The following WASL variants were observed in gnomAD, a reference collection of about 807,000 sequenced individuals.
WASL encodes the protein actin nucleation-promoting factor WASL.
Under a neutral mutation model 55.5 loss-of-function variants are expected in WASL, and 20 were observed. The observed-to-expected ratio is 0.36, with a 90% CI of 0.25 to 0.52. The LOEUF is 0.52. Ranked by LOEUF, WASL falls within the 20% of genes least tolerant of loss-of-function variation. WASL has a pLI of 0.92. For synonymous variants in WASL, 249 were observed against 217.6 expected, an observed-to-expected ratio of 1.14 and a Z score of -1.27; for missense variants, 504 against 622.5, an observed-to-expected ratio of 0.81 and a Z score of 2.03.
At chr7:123,716,243 C>T (rs1000759829) in intron 1 of WASL, among the ~76,000 whole-genome samples, 8 of 152,054 alleles carry the variant, frequency 5.3e-5, no homozygotes, top group African/African-American at 1.7e-4. Context: ...GATGGAGGCT[C>T]GCTCTCTCAC....
intron 1 of WASL, among the ~76,000 whole-genome samples, chr7:123,728,877 A>C (rs1321448871): frequency 6.6e-6 from 1 of 152,094 alleles, no homozygotes; most frequent in Non-Finnish European, 1.5e-5. Context: ...ACAAAACAAA[A>C]CAAACGAACG....
chr7:123,694,168 C>CTGCATTTTACTGCAATAATTAT (rs1803456824), intron 8 of WASL, among the ~76,000 whole-genome samples: 1 of 152,130 alleles, frequency 6.6e-6, no homozygotes. Flanking sequence ...AGTATTTTAT[C>CTGCATTTTACTGCAATAATTAT]TGCATTTTAC....
At chr7:123,690,030 T>C (rs1803373603) in intron 9 of WASL, among the ~76,000 whole-genome samples, 1 of 152,172 alleles carries the variant, frequency 6.6e-6, no homozygotes, top group Admixed American at 6.5e-5. Flanking sequence ...ATTCATTCCT[T>C]AGTATTTTGG....
intron 9 of WASL, among the ~76,000 whole-genome samples, chr7:123,691,012 T>G (rs545436275): frequency 3.3e-5 from 5 of 152,256 alleles, no homozygotes; most frequent in African/African-American, 1.2e-4. Context: ...GTTCATAGGT[T>G]TAAGTGTCAT....
At chr7:123,709,340 C>A (rs1399935091) in intron 1 of WASL, 117 bp from the exon 2 acceptor site, 5 of 740,398 alleles carry the variant, frequency 6.8e-6, no homozygotes, top group Non-Finnish European at 9.9e-6. Context: ...TCCTGATTCA[C>A]AGAAACAAGG....
In WASL at chr7:123,682,182, G is replaced by T. The variant is rs1367630966; in HGVS notation, c.*2337C>A. ...TCATGCTAGTTTGTTAAATGCAAAG[G>T]CTACCAGACGACCATTTAGCTGGAG... is the stretch of plus-strand genomic sequence containing the variant. On this transcript the variant is annotated 3_prime_UTR_variant, in exon 11 of 11. Transcript: ENST00000223023. 6.6e-6 allele frequency: 1 copy of T among 152,074 alleles called. No homozygotes were observed. 9.4% of individuals were successfully genotyped at this position (152,074 alleles called of 1,614,324 possible).
At chr7:123,706,492 G>T (rs1000773786) in intron 3 of WASL, 119 bp from the exon 4 acceptor site, 7 of 941,880 alleles carry the variant, frequency 7.4e-6, no homozygotes, top group Non-Finnish European at 6.3e-6. Context: ...TTTACTAGCA[G>T]ATAAGACATT....
At position 123,706,805 on chromosome 7, in the gene WASL, G is replaced by T; in HGVS notation, c.274C>A (p.Gln92Lys). 1 of 1,563,874 alleles carries T rather than the reference G, an allele frequency of 6.4e-7. No homozygotes were observed. The highest frequency in any genetic ancestry group is 8.6e-7 in the Non-Finnish European group (1 of 1,160,064). Reference sequence around the variant, plus strand: ...TATACAAAGTTATTGTATAGCTCTTGTTCCCACAATAGTTTCCCATCCTAG... The same window carrying T: ...TATACAAAGTTATTGTATAGCTCTTTTTCCCACAATAGTTTCCCATCCTAG... ...DIKDGKLLWE[Q>K]ELYNNFVYNS... is the part of the protein sequence containing the mutation. The change falls in exon 3 of 11, where the codon CAA becomes AAA. Residue 92 changes from glutamine to lysine, a missense_variant. Gln to Lys is a moderately conservative substitution (Grantham distance 53). Around this residue, in one of 5 missense-constraint regions of WASL, gnomAD observed 230 missense variants for 271.9 expected, o/e 0.85. Coordinates refer to ENST00000223023, the MANE Select transcript of WASL (RefSeq NM_003941.4).
Position 123,696,545 on chromosome 7 carries a change from A to T in WASL, c.629+34T>A, listed in dbSNP as rs781580553. 14 of 1,505,030 alleles carry T rather than the reference A, an allele frequency of 9.3e-6. No individual in the cohort carries two copies. In the Middle Eastern group the frequency reaches 7.1e-4, roughly 76 times the overall value. The allele number at this position is 1,505,030 out of a possible 1,614,324, so 93.2% of individuals were successfully genotyped here. A position where few individuals can be genotyped will look rare whatever the true frequency, so the allele number is the denominator to read the frequency against. Reference sequence around the variant, plus strand: ...CAAGAACAGCAATGAATAAATCAAAAGTGAAGATAAGAACAACAAAAGAAC... The same window carrying T: ...CAAGAACAGCAATGAATAAATCAAATGTGAAGATAAGAACAACAAAAGAAC... On this transcript the variant is annotated intron_variant, in intron 6 of 10. Transcript: ENST00000223023.
rs929521112 is a variant in WASL, at chr7:123,683,396, C to T, written c.*1123G>A. The T allele has an allele frequency of 3.3e-5, 5 of 151,730 alleles. No homozygotes were observed. Among genetic ancestry groups the T allele is most frequent in the African/African-American group, 1.2e-4 (5 of 41,318 alleles). The allele number at this position is 151,730 out of a possible 1,614,324, so 9.4% of individuals were successfully genotyped here. A position where few individuals can be genotyped will look rare whatever the true frequency, so the allele number is the denominator to read the frequency against. The stretch of plus-strand genomic sequence containing the variant: ...CTTTAAAAAAAAAAAATCTATCATT[C>T]AGTTATCTGTTCCAAGAACTCTGAC... On this transcript the variant is annotated 3_prime_UTR_variant, in exon 11 of 11. Transcript: ENST00000223023.
chr7:123,701,449 G>T (rs1477667026), intron 5 of WASL, among the ~76,000 whole-genome samples: 1 of 152,186 alleles, frequency 6.6e-6, no homozygotes, highest in Admixed American at 6.5e-5. Flanking sequence ...AGAGGCCTCT[G>T]ATGTCAAGCA....
intron 1 of WASL, among the ~76,000 whole-genome samples, chr7:123,717,839 T>C (rs1049965953): frequency 1.3e-5 from 2 of 152,202 alleles, no homozygotes; most frequent in Non-Finnish European, 2.9e-5. Flanking sequence ...CAACTCATGA[T>C]CTCTTTCAAC....
chr7:123,692,975 G>C, intron 8 of WASL, 108 bp from the exon 9 acceptor site: 1 of 1,277,588 alleles, frequency 7.8e-7, no homozygotes, highest in Non-Finnish European at 1.0e-6. Context: ...TACCAAAAAA[G>C]GGTCTCATCT....
In WASL at chr7:123,689,148, C is replaced by T; in HGVS notation, c.1350G>A (p.Val450=). 6.2e-7 allele frequency: 1 copy of T among 1,611,122 alleles called. No homozygotes were observed. The highest frequency in any genetic ancestry group is 1.1e-5 in the South Asian group (1 of 90,796). The change falls in exon 10 of 11, where the codon GTG becomes GTA. Residue 450 remains valine (V), a splice_region_variant and synonymous_variant. Transcript: ENST00000223023. Reference sequence around the variant, plus strand: ...GTGGTGTAGACTCTTGGCCATCAGCCACCTTGGAAAAGAAAGTTAGCAAAA... The same window carrying T: ...GTGGTGTAGACTCTTGGCCATCAGCTACCTTGGAAAAGAAAGTTAGCAAAA... ...QIRQGIQLKS[V]ADGQESTPPT... is the part of the protein sequence containing the mutation.
At chr7:123,706,982 A>G (rs1458844146) in intron 2 of WASL, among the ~76,000 whole-genome samples, 156 bp from the exon 3 acceptor site, 1 of 152,192 alleles carries the variant, frequency 6.6e-6, no homozygotes, top group East Asian at 1.9e-4. Flanking sequence ...AGTGTCACAT[A>G]ATCTAATCAG....
rs531594034 is a variant in WASL, at chr7:123,734,067, G to A, written c.117+14551C>T. Among the ~76,000 whole-genome samples, 34 of 152,150 alleles carry A rather than the reference G, an allele frequency of 2.2e-4. No homozygotes were observed. The South Asian group carries it at 3.1e-3, about 14-fold the overall frequency. ...ACAAAACCTGGGTGACCTGGGGGTC[G>A]GTGATGACTTTTTAGATACAATACC... On this transcript the variant is annotated intron_variant, in intron 1 of 10. Transcript: ENST00000223023.
rs773366566 is a variant in WASL, at chr7:123,741,527, C to T, written c.117+7091G>A. Among the ~76,000 whole-genome samples, 30 of 152,080 alleles carry T rather than the reference C, an allele frequency of 2.0e-4. 1 individual carries two copies. The highest frequency in any genetic ancestry group is 8.5e-4 in the Admixed American group (13 of 15,276). ...CTAGAACCTTTAGAGTAAGAGTGAA[C>T]TCTATTAGGAAAGCTATGACTTCTA... On this transcript the variant is annotated intron_variant, in intron 1 of 10. Transcript: ENST00000223023.
chr7:123,687,084 T>C (rs1803304589), intron 10 of WASL, among the ~76,000 whole-genome samples: 1 of 152,166 alleles, frequency 6.6e-6, no homozygotes, highest in South Asian at 2.1e-4. Flanking sequence ...GTCTTTCCCC[T>C]TTCCAGTTGT....
At chr7:123,712,524 A>T (rs183043608) in intron 1 of WASL, among the ~76,000 whole-genome samples, 4 of 152,328 alleles carry the variant, frequency 2.6e-5, no homozygotes, top group African/African-American at 9.6e-5. Context: ...ACATATATAT[A>T]GAGAAAAAAA....
Sources: gnomAD v4.1 joint callset for allele counts (sites outside exome capture counted in the v4.1 genomes callset) on GRCh38, gnomAD v4.1.1 for gene constraint, gnomAD v4.1.1 regional missense constraint, MANE v1.5 for transcripts, NCBI Gene and HGNC (gene_info 2026-07-23, HGNC 2026-07-21) for gene names.